Variants in CLSTN2 observed in about 807,000 individuals in gnomAD.
The protein encoded by CLSTN2 is calsyntenin 2.
In CLSTN2, 48 loss-of-function variants were observed where a neutral mutation model predicts 101.2. That is an observed-to-expected ratio of 0.47 (90% CI 0.38 to 0.60). The LOEUF (loss-of-function observed/expected upper bound fraction) is 0.60. Ranked by LOEUF, CLSTN2 falls within the 20% of genes least tolerant of loss-of-function variation. The pLI, the probability that CLSTN2 is intolerant of heterozygous loss-of-function variation, is 0.00. For synonymous variants in CLSTN2, 481 were observed against 463.6 expected, an observed-to-expected ratio of 1.04 and a Z score of -0.48; for missense variants, 1,160 against 1,238.2, an observed-to-expected ratio of 0.94 and a Z score of 0.95.
At chr3:140,461,578 G>T (rs1324537435) in intron 7 of CLSTN2, among the ~76,000 whole-genome samples, 5 of 152,150 alleles carry the variant, frequency 3.3e-5, no homozygotes, top group African/African-American at 1.2e-4. Flanking sequence ...AGAAAGACAG[G>T]ATTGGACCTA....
intron 1 of CLSTN2, among the ~76,000 whole-genome samples, chr3:140,011,592 AG>A (rs766592932): frequency 1.3e-5 from 2 of 152,222 alleles, no homozygotes; most frequent in African/African-American, 2.4e-5. Context: ...AGTGCTTAGT[AG>A]TACATAGCAT....
At chr3:140,068,526 G>T (rs754656692) in intron 1 of CLSTN2, among the ~76,000 whole-genome samples, 7 of 152,218 alleles carry the variant, frequency 4.6e-5, no homozygotes, top group Non-Finnish European at 7.3e-5. Context: ...CAATAGCAAT[G>T]TGTTTTCTTT....
chr3:140,007,248 A>C (rs950527677), intron 1 of CLSTN2, among the ~76,000 whole-genome samples: 4 of 152,206 alleles, frequency 2.6e-5, no homozygotes, highest in Admixed American at 2.6e-4. Context: ...AAAGCCCTGC[A>C]TGTGTCCAGA....
At chr3:139,985,211 C>T (rs1936001447) in intron 1 of CLSTN2, among the ~76,000 whole-genome samples, 1 of 152,174 alleles carries the variant, frequency 6.6e-6, no homozygotes, top group South Asian at 2.1e-4. Context: ...TTAAAACCTT[C>T]CAATGGCTGC....
intron 1 of CLSTN2, among the ~76,000 whole-genome samples, chr3:140,027,896 G>A (rs1229761404): frequency 1.3e-5 from 2 of 152,216 alleles, no homozygotes; most frequent in African/African-American, 4.8e-5. Context: ...CCTGATTGGG[G>A]ATACTGGTTT....
At chr3:140,278,518 T>C (rs1190528372) in intron 2 of CLSTN2, among the ~76,000 whole-genome samples, 2 of 152,138 alleles carry the variant, frequency 1.3e-5, no homozygotes, top group Non-Finnish European at 2.9e-5. Flanking sequence ...CTTTCATGGT[T>C]CAGCCTACAA....
intron 1 of CLSTN2, among the ~76,000 whole-genome samples, chr3:140,035,685 A>G (rs979161636): frequency 6.6e-6 from 1 of 152,200 alleles, no homozygotes; most frequent in East Asian, 1.9e-4. Flanking sequence ...GATTCACAGA[A>G]AAGCTTGCTG....
At chr3:140,402,460 G>A (rs2088253149) in intron 2 of CLSTN2, among the ~76,000 whole-genome samples, 1 of 152,182 alleles carries the variant, frequency 6.6e-6, no homozygotes, top group Non-Finnish European at 1.5e-5. Context: ...TTTTTATGAA[G>A]TTCAAATGAA....
chr3:140,484,218 G>T (rs868068840), intron 8 of CLSTN2, among the ~76,000 whole-genome samples: 28 of 152,076 alleles, frequency 1.8e-4, no homozygotes, highest in South Asian at 4.1e-4. Flanking sequence ...CTCCTTCACT[G>T]ATGAAGCTTA....
intron 2 of CLSTN2, among the ~76,000 whole-genome samples, chr3:140,289,819 T>A (rs1017094737): frequency 1.3e-5 from 2 of 152,010 alleles, no homozygotes; most frequent in Non-Finnish European, 2.9e-5. Context: ...CTCAGAGATA[T>A]GTTTCCTAAA....
chr3:140,048,920 C>T (rs1300276178), intron 1 of CLSTN2, among the ~76,000 whole-genome samples: 2 of 152,198 alleles, frequency 1.3e-5, no homozygotes, highest in African/African-American at 2.4e-5. Flanking sequence ...GTCCCTGCTG[C>T]TTCACTACCT....
At chr3:140,077,548 A>G (rs1003131771) in intron 1 of CLSTN2, among the ~76,000 whole-genome samples, 9 of 152,086 alleles carry the variant, frequency 5.9e-5, no homozygotes, top group Non-Finnish European at 8.8e-5. Flanking sequence ...AATGTGCGAG[A>G]TGTGGGGGAG....
chr3:139,941,200 T>C (rs1935120596), intron 1 of CLSTN2, among the ~76,000 whole-genome samples: 1 of 152,118 alleles, frequency 6.6e-6, no homozygotes, highest in Admixed American at 6.5e-5. Context: ...AGACAGGTTT[T>C]GAGGGTAGAC....
chr3:140,192,519 G>A (rs898724424), intron 2 of CLSTN2, among the ~76,000 whole-genome samples: 22 of 151,682 alleles, frequency 1.5e-4, no homozygotes, highest in African/African-American at 5.1e-4. Flanking sequence ...TATCATATTT[G>A]TGAAGTGGCC....
At chr3:140,087,347 G>C (rs546901453) in intron 1 of CLSTN2, among the ~76,000 whole-genome samples, 2 of 152,288 alleles carry the variant, frequency 1.3e-5, no homozygotes, top group African/African-American at 4.8e-5. Context: ...CTGATTAAAG[G>C]TTAAACATAT....
intron 1 of CLSTN2, among the ~76,000 whole-genome samples, chr3:140,090,183 AG>A (rs1253254550): frequency 7.2e-6 from 1 of 138,480 alleles, no homozygotes; most frequent in Non-Finnish European, 1.6e-5. Flanking sequence ...TCCCGGCTGA[AG>A]GGGGGTTATC....
rs895197547 is a variant in CLSTN2, at chr3:140,511,675, G to A, written c.1345-20649G>A. Among the ~76,000 whole-genome samples, 11 of 148,624 alleles carry A rather than the reference G, an allele frequency of 7.4e-5. No homozygotes were observed. In the South Asian group the frequency reaches 8.7e-4, roughly 12 times the overall value. The stretch of plus-strand genomic sequence containing the variant: ...CGCAATTCTCCTGCCTCAGCCTCCC[G>A]TGTAGCTGGGACTACAGATGCCAGC... On this transcript the variant is annotated intron_variant, in intron 8 of 16. Coordinates refer to ENST00000458420, the MANE Select transcript of CLSTN2 (RefSeq NM_022131.3).
intron 2 of CLSTN2, among the ~76,000 whole-genome samples, chr3:140,258,605 A>G (rs574958359): frequency 3.9e-5 from 6 of 152,204 alleles, no homozygotes; most frequent in Admixed American, 6.5e-5. Context: ...AAGCTGAAGG[A>G]AGGATAAATT....
At chr3:140,509,316 C>G (rs1934751117) in intron 8 of CLSTN2, among the ~76,000 whole-genome samples, 1 of 152,154 alleles carries the variant, frequency 6.6e-6, no homozygotes, top group African/African-American at 2.4e-5. Flanking sequence ...CTTAACCACA[C>G]CAAAACCACC....
Sources: allele counts gnomAD v4.1 joint callset (sites outside exome capture counted in the v4.1 genomes callset), GRCh38; gene constraint gnomAD v4.1.1; transcripts MANE v1.5; gene names NCBI Gene and HGNC (gene_info 2026-07-23, HGNC 2026-07-21).